Variants in ZBTB20 observed in about 807,000 individuals in gnomAD.
ZBTB20 encodes zinc finger and BTB domain-containing protein 20.
ZBTB20 carries 9 observed loss-of-function variants against 56.9 expected under a neutral mutation model. That is an observed-to-expected ratio of 0.16 (90% CI 0.10 to 0.28). The LOEUF (loss-of-function observed/expected upper bound fraction) is 0.28, where lower values mean the gene tolerates loss of function less well. Ranked by LOEUF, ZBTB20 falls within the 10% of genes least tolerant of loss-of-function variation. ZBTB20 has a pLI of 1.00. For synonymous variants in ZBTB20, 417 were observed against 420.7 expected (o/e 0.99, Z 0.11); for missense variants, 655 against 1,003.0 (o/e 0.65, Z 4.69).
At chr3:114,357,615 T>C (rs559562292) in intron 10 of ZBTB20, among the ~76,000 whole-genome samples, 27 of 152,326 alleles carry the variant, frequency 1.8e-4, no homozygotes, top group Non-Finnish European at 3.4e-4. Flanking sequence ...TTTATACTTT[T>C]ATAGGAATAA....
intron 4 of ZBTB20, among the ~76,000 whole-genome samples, chr3:114,806,883 C>G (rs928614913): frequency 6.6e-6 from 1 of 151,912 alleles, no homozygotes; most frequent in Admixed American, 6.6e-5. Flanking sequence ...CTATCCCTTC[C>G]CATGACAAAT....
At chr3:114,679,551 C>A (rs1309534601) in intron 6 of ZBTB20, among the ~76,000 whole-genome samples, 2 of 152,210 alleles carry the variant, frequency 1.3e-5, no homozygotes, top group East Asian at 3.9e-4. Flanking sequence ...CATCACTGGT[C>A]AATAGAGAAA....
chr3:114,360,311 CTGTT>C (rs2081685218), intron 10 of ZBTB20, among the ~76,000 whole-genome samples: 1 of 149,880 alleles, frequency 6.7e-6, no homozygotes, highest in African/African-American at 2.5e-5. Flanking sequence ...AAGAGTATCT[CTGTT>C]TGTTGGTAGG....
rs182443327 is a variant in ZBTB20, at chr3:115,113,268, T to C, written c.-703+33951A>G. 1.5e-4 allele frequency among the ~76,000 whole-genome samples: 23 copies of C among 152,368 alleles called. No individual in the cohort carries two copies. The East Asian group carries it at 4.4e-3, about 29-fold the overall frequency. On this transcript the variant is annotated intron_variant, in intron 1 of 11. Transcript: ENST00000675478. ...GTTTAATTTTAAAAAACAGTAACAA[T>C]GACATCCTACAGCAGTTATGTGTCT...
intron 7 of ZBTB20, among the ~76,000 whole-genome samples, chr3:114,391,131 G>A (rs1338504996): frequency 2.0e-5 from 3 of 152,070 alleles, no homozygotes; most frequent in African/African-American, 4.8e-5. Flanking sequence ...TCTATGAAAA[G>A]CTCCTGACTG....
intron 6 of ZBTB20, among the ~76,000 whole-genome samples, chr3:114,545,804 G>A (rs529759282): frequency 2.7e-4 from 41 of 152,116 alleles, no homozygotes; most frequent in African/African-American, 6.3e-4. Flanking sequence ...CAAAAACATC[G>A]TTTCCATATA....
chr3:114,673,798 T>A (rs529335768), intron 6 of ZBTB20, among the ~76,000 whole-genome samples: 1 of 152,302 alleles, frequency 6.6e-6, no homozygotes, highest in South Asian at 2.1e-4. Context: ...TTGACTATGC[T>A]TTTGCTTAGT....
chr3:115,076,525 C>G (rs1016405833), intron 1 of ZBTB20, among the ~76,000 whole-genome samples: 11 of 152,054 alleles, frequency 7.2e-5, no homozygotes, highest in African/African-American at 2.4e-4. Context: ...CTTTATCTTA[C>G]AACATACACA....
chr3:115,049,633 T>G (rs1327739865), intron 2 of ZBTB20, among the ~76,000 whole-genome samples: 1 of 152,096 alleles, frequency 6.6e-6, no homozygotes, highest in South Asian at 2.1e-4. Flanking sequence ...GCTCAAAAAG[T>G]TTTGGACTTT....
chr3:114,593,039 T>C (rs1401601566), intron 6 of ZBTB20, among the ~76,000 whole-genome samples: 1 of 152,198 alleles, frequency 6.6e-6, no homozygotes, highest in Non-Finnish European at 1.5e-5. Context: ...GTGTATGTTT[T>C]ATAATTATTG....
chr3:114,348,613 A>G (rs969573247), intron 11 of ZBTB20, among the ~76,000 whole-genome samples: 2 of 152,206 alleles, frequency 1.3e-5, no homozygotes, highest in Non-Finnish European at 2.9e-5. Context: ...TCATAAAAGT[A>G]CATACATTAA....
chr3:114,740,973 A>C (rs1560192503), intron 5 of ZBTB20, among the ~76,000 whole-genome samples: 2 of 152,166 alleles, frequency 1.3e-5, no homozygotes, highest in African/African-American at 4.8e-5. Context: ...ATGGAGATAA[A>C]AATAATATTA....
At chr3:114,730,144 T>A (rs1203818038) in intron 5 of ZBTB20, among the ~76,000 whole-genome samples, 3 of 151,744 alleles carry the variant, frequency 2.0e-5, no homozygotes, top group Non-Finnish European at 4.4e-5. Flanking sequence ...GTTAGCAGAG[T>A]CCATTAAAAT....
At chr3:114,507,377 TATA>T (rs2044762161) in intron 6 of ZBTB20, among the ~76,000 whole-genome samples, 3 of 152,088 alleles carry the variant, frequency 2.0e-5, no homozygotes, top group Admixed American at 6.6e-5. Flanking sequence ...TAGAAAGAGC[TATA>T]GAAACAAAAG....
intron 6 of ZBTB20, among the ~76,000 whole-genome samples, chr3:114,683,026 T>C (rs2062079967): frequency 6.6e-6 from 1 of 152,200 alleles, no homozygotes; most frequent in South Asian, 2.1e-4. Context: ...TAAACTTTTC[T>C]AAAAGAAGGA....
At chr3:115,106,064 C>G (rs992494989) in intron 1 of ZBTB20, among the ~76,000 whole-genome samples, 1 of 152,074 alleles carries the variant, frequency 6.6e-6, no homozygotes, top group Non-Finnish European at 1.5e-5. Context: ...GATCCGCCCA[C>G]CTCAGCCTCC....
chr3:115,040,294 T>C (rs1043390883), intron 2 of ZBTB20, among the ~76,000 whole-genome samples: 2 of 152,090 alleles, frequency 1.3e-5, no homozygotes, highest in Non-Finnish European at 2.9e-5. Context: ...CCTATGCTTA[T>C]AATATGTCAG....
At chr3:114,386,368 G>A (rs1433224452) in intron 8 of ZBTB20, among the ~76,000 whole-genome samples, 1 of 151,880 alleles carries the variant, frequency 6.6e-6, no homozygotes, top group African/African-American at 2.4e-5. Context: ...AAAAATAGAT[G>A]GCACATGCAA....
intron 2 of ZBTB20, among the ~76,000 whole-genome samples, chr3:115,040,632 G>A (rs1431873250): frequency 6.6e-6 from 1 of 152,098 alleles, no homozygotes; most frequent in Non-Finnish European, 1.5e-5. Flanking sequence ...GACTGACAAA[G>A]TAGATCATGA....
Sources: allele counts gnomAD v4.1 joint callset (sites outside exome capture counted in the v4.1 genomes callset), GRCh38; gene constraint gnomAD v4.1.1; transcripts MANE v1.5; gene names NCBI Gene and HGNC (gene_info 2026-07-23, HGNC 2026-07-21).